The following TMEM132B variants were observed in gnomAD, a reference collection of about 807,000 sequenced individuals.
The protein encoded by TMEM132B is transmembrane protein 132B.
TMEM132B carries 18 observed loss-of-function variants against 90.8 expected under a neutral mutation model. The ratio of observed to expected loss-of-function variants is 0.20; its 90% CI spans 0.14 to 0.29. The LOEUF is 0.29. Ranked by LOEUF, TMEM132B falls within the 10% of genes least tolerant of loss-of-function variation. The pLI is 1.00. For missense variants in TMEM132B, 1,096 were observed against 1,326.8 expected (o/e 0.83, Z 2.70); for synonymous variants, 504 against 523.3 (o/e 0.96, Z 0.50).
chr12:125,428,257 G>C (rs552150932), intron 3 of TMEM132B, among the ~76,000 whole-genome samples: 86 of 152,060 alleles, frequency 5.7e-4, no homozygotes, highest in African/African-American at 1.9e-3. Flanking sequence ...GCCTCCCAAA[G>C]TACTAGGATT....
Position 125,653,504 on chromosome 12 carries a change from T to C in TMEM132B, c.2107-61T>C, listed in dbSNP as rs1167817523. ...AACAATTTATATAGGAAATTATACT[T>C]ATGTTTTCAAATGTGAAGGAATCTG... On this transcript the variant is annotated intron_variant, in intron 8 of 8. Transcript: ENST00000682704. 4 of 1,501,922 alleles carry C rather than the reference T, an allele frequency of 2.7e-6. No homozygotes were observed. The South Asian group carries it at 4.0e-5, about 15-fold the overall frequency. The allele number at this position is 1,501,922 out of a possible 1,614,324, so 93.0% of individuals were successfully genotyped here.
chr12:125,221,621 A>C lies in TMEM132B; in HGVS notation c.67+34755A>C, dbSNP rs562543248. ...CATTTCAATATGTTTAGTACAGTGGAAGCCTGTAAAAGAAAGAATGCTTGG... is the reference window on the plus strand; with the variant it reads ...CATTTCAATATGTTTAGTACAGTGGCAGCCTGTAAAAGAAAGAATGCTTGG... On this transcript the variant is annotated intron_variant, in intron 1 of 8. Transcript: ENST00000682704. Among the ~76,000 whole-genome samples the C allele has an allele frequency of 2.0e-5, 3 of 152,350 alleles. No individual in the cohort carries two copies. The East Asian group carries it at 5.8e-4, about 29-fold the overall frequency.
chr12:125,196,379 C>G (rs1385610624), intron 1 of TMEM132B, among the ~76,000 whole-genome samples: 1 of 152,146 alleles, frequency 6.6e-6, no homozygotes, highest in Non-Finnish European at 1.5e-5. Flanking sequence ...TGGAGGATGG[C>G]CTGCATTTTT....
At chr12:125,567,323 CTATCTGTA>C (rs548505711) in intron 4 of TMEM132B, among the ~76,000 whole-genome samples, 80 of 152,272 alleles carry the variant, frequency 5.3e-4, no homozygotes, top group Middle Eastern at 3.4e-3. Context: ...TCTAATGTCT[CTATCTGTA>C]TATCTGTGTC....
chr12:125,632,454 T>C (rs754229706), intron 5 of TMEM132B, among the ~76,000 whole-genome samples: 43 of 152,148 alleles, frequency 2.8e-4, no homozygotes, highest in Middle Eastern at 3.2e-3. Flanking sequence ...TAATATTCTG[T>C]ATTTTTCTGT....
intron 2 of TMEM132B, among the ~76,000 whole-genome samples, chr12:125,384,090 G>A (rs542534765): frequency 5.3e-5 from 8 of 152,244 alleles, no homozygotes; most frequent in African/African-American, 1.9e-4. Context: ...GGGATTACAG[G>A]CGTGTGCCAC....
intron 3 of TMEM132B, among the ~76,000 whole-genome samples, chr12:125,475,117 C>A (rs1881838707): frequency 6.6e-6 from 1 of 151,980 alleles, no homozygotes; most frequent in South Asian, 2.1e-4. Context: ...TCACCTTACC[C>A]GGGTGACATG....
At chr12:125,226,444 C>T (rs1246029224) in intron 1 of TMEM132B, among the ~76,000 whole-genome samples, 1 of 152,238 alleles carries the variant, frequency 6.6e-6, no homozygotes, top group African/African-American at 2.4e-5. Flanking sequence ...AATCTTCACA[C>T]AGCAATCCTT....
At chr12:125,346,244 A>G (rs1419589638) in intron 1 of TMEM132B, among the ~76,000 whole-genome samples, 2 of 152,260 alleles carry the variant, frequency 1.3e-5, no homozygotes, top group African/African-American at 4.8e-5. Context: ...GGTATAAAAT[A>G]CCTTCTTAAA....
At chr12:125,373,124 A>G (rs1191589700) in intron 2 of TMEM132B, among the ~76,000 whole-genome samples, 1 of 152,166 alleles carries the variant, frequency 6.6e-6, no homozygotes. Context: ...TGTTTCCCCC[A>G]CATTACAAGG....
chr12:125,533,812 G>A (rs1883717282), intron 4 of TMEM132B, among the ~76,000 whole-genome samples: 1 of 152,242 alleles, frequency 6.6e-6, no homozygotes, highest in Non-Finnish European at 1.5e-5. Context: ...AGCGCTCAGC[G>A]CAGCCCGTGA....
intron 4 of TMEM132B, among the ~76,000 whole-genome samples, chr12:125,527,266 T>C (rs1325661047): frequency 1.2e-3 from 33 of 28,044 alleles, no homozygotes; most frequent in Admixed American, 2.2e-3. Flanking sequence ...ATCCACCCGT[T>C]TACCCTTCTA....
intron 3 of TMEM132B, among the ~76,000 whole-genome samples, chr12:125,497,664 C>G (rs1296422535): frequency 1.3e-5 from 2 of 152,156 alleles, no homozygotes; most frequent in Non-Finnish European, 2.9e-5. Context: ...TTCTTCTGAA[C>G]CAGGGGTTTC....
At chr12:125,563,331 G>A (rs569688035) in intron 4 of TMEM132B, among the ~76,000 whole-genome samples, 10 of 152,154 alleles carry the variant, frequency 6.6e-5, no homozygotes, top group South Asian at 6.2e-4. Flanking sequence ...GTATCTGGCC[G>A]GGCGCGGTGG....
chr12:125,434,804 G>A (rs552642443), intron 3 of TMEM132B, among the ~76,000 whole-genome samples: 2 of 151,826 alleles, frequency 1.3e-5, no homozygotes, highest in Admixed American at 1.3e-4. Context: ...TCCCTGCACC[G>A]AATTCCTTTT....
intron 3 of TMEM132B, among the ~76,000 whole-genome samples, chr12:125,464,904 G>C (rs1881525202): frequency 6.6e-6 from 1 of 152,188 alleles, no homozygotes; most frequent in African/African-American, 2.4e-5. Flanking sequence ...CTGTGGAAAA[G>C]AATTGTGTTG....
chr12:125,365,562 T>G (rs1878103785), intron 2 of TMEM132B, among the ~76,000 whole-genome samples: 1 of 152,104 alleles, frequency 6.6e-6, no homozygotes, highest in Admixed American at 6.5e-5. Flanking sequence ...ATGTATGACT[T>G]CTCTTGGCAA....
chr12:125,487,410 C>T (rs1400453967), intron 3 of TMEM132B, among the ~76,000 whole-genome samples: 2 of 152,206 alleles, frequency 1.3e-5, no homozygotes, highest in Non-Finnish European at 2.9e-5. Context: ...CCCTCTATCT[C>T]AGTGGTTTAA....
intron 1 of TMEM132B, among the ~76,000 whole-genome samples, chr12:125,278,302 A>G (rs1875060502): frequency 6.6e-6 from 1 of 152,210 alleles, no homozygotes; most frequent in Admixed American, 6.5e-5. Context: ...TGTACTTTCT[A>G]GCCCTTTACA....
Sources: allele counts gnomAD v4.1 joint callset (sites outside exome capture counted in the v4.1 genomes callset), GRCh38; gene constraint gnomAD v4.1.1; transcripts MANE v1.5; gene names NCBI Gene and HGNC (gene_info 2026-07-23, HGNC 2026-07-21).